The following DCLK1 variants were observed in gnomAD, a reference collection of about 807,000 sequenced individuals.
The protein encoded by DCLK1 is doublecortin like kinase 1.
A neutral mutation model predicts 86.2 loss-of-function variants in DCLK1; 16 were observed. The observed-to-expected ratio is 0.19, with a 90% CI of 0.13 to 0.28. DCLK1 has a LOEUF of 0.28. Among genes scored for constraint, DCLK1 ranks in the 10% least tolerant of loss-of-function variants. The pLI, the probability that DCLK1 is intolerant of heterozygous loss-of-function variation, is 1.00. For synonymous variants in DCLK1, 369 were observed against 370.5 expected, an observed-to-expected ratio of 1.00 and a Z score of 0.05; for missense variants, 590 against 940.2, an observed-to-expected ratio of 0.63 and a Z score of 4.87.
chr13:35,789,290 A>G (rs1334890062), intron 16 of DCLK1, among the ~76,000 whole-genome samples: 1 of 152,238 alleles, frequency 6.6e-6, no homozygotes, highest in African/African-American at 2.4e-5. Flanking sequence ...AAAACATGCC[A>G]GGGCACCAGG....
intron 14 of DCLK1, 59 bp downstream of exon 14, chr13:35,808,164 GA>G (rs1344693647): frequency 1.4e-6 from 2 of 1,480,032 alleles, no homozygotes; most frequent in Admixed American, 3.4e-5. Context: ...CAATGATTTG[GA>G]AAAATAATTC....
chr13:35,898,847 TCCTCCTA>T, intron 4 of DCLK1, among the ~76,000 whole-genome samples: 1 of 152,090 alleles, frequency 6.6e-6, no homozygotes, highest in East Asian at 1.9e-4. Flanking sequence ...GCTCAAGCGA[TCCTCCTA>T]CCTCAGCCTC....
At chr13:35,967,310 A>T (rs1433232991) in intron 3 of DCLK1, among the ~76,000 whole-genome samples, 2 of 151,922 alleles carry the variant, frequency 1.3e-5, no homozygotes, top group Non-Finnish European at 2.9e-5. Flanking sequence ...CCCGGCCGCC[A>T]CCCCATCTGG....
chr13:35,815,811 C>G (rs1018967793), intron 11 of DCLK1, among the ~76,000 whole-genome samples: 3 of 151,594 alleles, frequency 2.0e-5, no homozygotes, highest in Non-Finnish European at 4.4e-5. Context: ...CCTGGAAAAA[C>G]ATAATAAAAA....
At chr13:35,959,658 T>C (rs1878346735) in intron 3 of DCLK1, among the ~76,000 whole-genome samples, 1 of 152,204 alleles carries the variant, frequency 6.6e-6, no homozygotes, top group Non-Finnish European at 1.5e-5. Flanking sequence ...AGGCAGTTTG[T>C]AGTCTCCAGG....
At chr13:36,044,610 C>A (rs1405262875) in intron 3 of DCLK1, among the ~76,000 whole-genome samples, 1 of 152,026 alleles carries the variant, frequency 6.6e-6, no homozygotes, top group Non-Finnish European at 1.5e-5. Flanking sequence ...AATGAGTCAA[C>A]TAATAACTCC....
intron 3 of DCLK1, among the ~76,000 whole-genome samples, chr13:36,099,253 C>T (rs1213240800): frequency 6.6e-6 from 1 of 152,194 alleles, no homozygotes; most frequent in African/African-American, 2.4e-5. Flanking sequence ...CAGGCATGAG[C>T]CACCGCGCCC....
chr13:35,902,415 C>A (rs1208193298), intron 4 of DCLK1, among the ~76,000 whole-genome samples: 1 of 152,198 alleles, frequency 6.6e-6, no homozygotes, highest in African/African-American at 2.4e-5. Context: ...CAGAGACCCA[C>A]CTCAAATCAA....
intron 3 of DCLK1, among the ~76,000 whole-genome samples, chr13:36,101,173 G>A (rs546420662): frequency 6.6e-6 from 1 of 152,322 alleles, no homozygotes; most frequent in Admixed American, 6.5e-5. Flanking sequence ...GGGAGATACA[G>A]ACAACTTCTA....
chr13:36,118,434 A>T (rs1228938896), intron 2 of DCLK1, among the ~76,000 whole-genome samples: 1 of 152,160 alleles, frequency 6.6e-6, no homozygotes, highest in Non-Finnish European at 1.5e-5. Context: ...CACTGAAGTG[A>T]TGACACTGAA....
At chr13:35,907,016 G>T (rs888311400) in intron 4 of DCLK1, among the ~76,000 whole-genome samples, 1 of 152,116 alleles carries the variant, frequency 6.6e-6, no homozygotes, top group African/African-American at 2.4e-5. Flanking sequence ...TCACCTAGTA[G>T]CTGCTGAAAC....
chr13:35,958,548 C>T (rs1878277581), intron 3 of DCLK1, among the ~76,000 whole-genome samples: 1 of 152,018 alleles, frequency 6.6e-6, no homozygotes, highest in Admixed American at 6.6e-5. Context: ...ATACCACCAC[C>T]ACCACCATTA....
At chr13:35,987,318 A>C (rs953922675) in intron 3 of DCLK1, among the ~76,000 whole-genome samples, 1 of 152,146 alleles carries the variant, frequency 6.6e-6, no homozygotes, top group African/African-American at 2.4e-5. Flanking sequence ...CCAGCTACTT[A>C]GGAGGCTGAG....
chr13:35,856,710 T>A (rs1437269267), intron 5 of DCLK1, among the ~76,000 whole-genome samples: 1 of 152,238 alleles, frequency 6.6e-6, no homozygotes, highest in Non-Finnish European at 1.5e-5. Context: ...TTAAGGCATT[T>A]TTTGAAAGAC....
chr13:35,983,972 C>T (rs1197179665), intron 3 of DCLK1, among the ~76,000 whole-genome samples: 1 of 152,142 alleles, frequency 6.6e-6, no homozygotes, highest in Non-Finnish European at 1.5e-5. Context: ...ACCTCCTTGA[C>T]TATGGGGAAA....
Position 35,822,780 on chromosome 13 carries a change from G to A in DCLK1, c.1503C>T (p.Tyr501=), listed in dbSNP as rs371372683. The A allele has an allele frequency of 6.8e-6, 11 of 1,613,874 alleles. No individual in the cohort carries two copies. In the African/African-American group the frequency reaches 1.5e-4, roughly 22 times the overall value. The stretch of plus-strand genomic sequence containing the variant: ...GGTGGACGATGTTCAGGCTATGCAG[G>A]TATTTGATGGCGCTGGCTAGGTTGT... ...MLYNLASAIK[Y]LHSLNIVHRD... The change falls in exon 11 of 17, where the codon TAC becomes TAT. Residue 501 remains tyrosine (Y), a synonymous_variant. Coordinates refer to ENST00000360631, the MANE Select transcript of DCLK1 (RefSeq NM_001330071.2).
intron 3 of DCLK1, among the ~76,000 whole-genome samples, chr13:36,059,228 T>C (rs998400242): frequency 2.6e-5 from 4 of 152,180 alleles, no homozygotes; most frequent in African/African-American, 7.2e-5. Context: ...CCATTGTGTA[T>C]AAAAGTATTT....
intron 3 of DCLK1, among the ~76,000 whole-genome samples, chr13:35,981,757 A>G (rs1216353870): frequency 2.0e-5 from 3 of 152,236 alleles, no homozygotes; most frequent in Non-Finnish European, 4.4e-5. Context: ...GAACATGGGT[A>G]TACAAATATG....
chr13:36,036,272 G>T (rs1269737815), intron 3 of DCLK1, among the ~76,000 whole-genome samples: 1 of 152,146 alleles, frequency 6.6e-6, no homozygotes, highest in Non-Finnish European at 1.5e-5. Flanking sequence ...GCTCCTCTGG[G>T]CACACTGCCT....
Sources: allele counts gnomAD v4.1 joint callset (sites outside exome capture counted in the v4.1 genomes callset), GRCh38; gene constraint gnomAD v4.1.1; transcripts MANE v1.5; gene names NCBI Gene and HGNC (gene_info 2026-07-23, HGNC 2026-07-21).